MAP2K1: variants seen among roughly 807,000 people sequenced by gnomAD.
MAP2K1 encodes the protein dual specificity mitogen-activated protein kinase kinase 1.
MAP2K1 carries 16 observed loss-of-function variants against 46.3 expected under a neutral mutation model. The observed-to-expected ratio is 0.35, with a 90% confidence interval of 0.23 to 0.52. The LOEUF (loss-of-function observed/expected upper bound fraction) is 0.52. Ranked by LOEUF, MAP2K1 falls within the 20% of genes least tolerant of loss-of-function variation. MAP2K1 has a pLI of 0.94. For synonymous variants in MAP2K1, 183 were observed against 185.6 expected, an observed-to-expected ratio of 0.99 and a Z score of 0.11; for missense variants, 263 against 497.1, an observed-to-expected ratio of 0.53 and a Z score of 4.48.
At chr15:66,391,057 CTTT>C (rs34264456) in intron 1 of MAP2K1, among the ~76,000 whole-genome samples, 79 of 135,532 alleles carry the variant, frequency 5.8e-4, no homozygotes, top group Non-Finnish European at 6.3e-4. Context: ...TGAGCTGCTG[CTTT>C]TTTTTTTTTT....
intron 5 of MAP2K1, among the ~76,000 whole-genome samples, chr15:66,470,094 G>GTTTTTTTTTT (rs55637393): frequency 2.6e-5 from 2 of 76,602 alleles, no homozygotes; most frequent in African/African-American, 4.8e-5. Context: ...TTTTTTTCTT[G>GTTTTTTTTTT]TTTTTTTTTT....
intron 1 of MAP2K1, among the ~76,000 whole-genome samples, chr15:66,418,686 G>A (rs1363710580): frequency 6.6e-6 from 1 of 150,636 alleles, no homozygotes; most frequent in Non-Finnish European, 1.5e-5. Flanking sequence ...TTTTTGAGAC[G>A]GAGTCTCGCT....
chr15:66,446,106 T>G (rs1595866629), intron 5 of MAP2K1, among the ~76,000 whole-genome samples: 1 of 151,942 alleles, frequency 6.6e-6, no homozygotes, highest in Admixed American at 6.6e-5. Context: ...GTGCTTGTAA[T>G]CCCAGCTAAT....
chr15:66,458,271 TTATCAAG>T (rs1892223330), intron 5 of MAP2K1, among the ~76,000 whole-genome samples: 1 of 152,218 alleles, frequency 6.6e-6, no homozygotes, highest in African/African-American at 2.4e-5. Flanking sequence ...CCTGCTCTAA[TTATCAAG>T]GCCTTATTTT....
At chr15:66,412,362 G>C (rs755653816) in intron 1 of MAP2K1, among the ~76,000 whole-genome samples, 27 of 152,156 alleles carry the variant, frequency 1.8e-4, no homozygotes, top group Non-Finnish European at 1.5e-5. Flanking sequence ...TAATGAAAAC[G>C]TTAAGCATCT....
intron 5 of MAP2K1, among the ~76,000 whole-genome samples, chr15:66,474,361 C>G (rs1382091759): frequency 2.6e-5 from 4 of 152,152 alleles, no homozygotes; most frequent in Admixed American, 2.6e-4. Flanking sequence ...ACCTTTCTTG[C>G]AGTTGGCCTT....
intron 1 of MAP2K1, among the ~76,000 whole-genome samples, chr15:66,425,302 C>G (rs528783051): frequency 6.6e-6 from 1 of 152,276 alleles, no homozygotes; most frequent in Non-Finnish European, 1.5e-5. Context: ...GGCTTAGATT[C>G]TTCATCAACT....
intron 5 of MAP2K1, among the ~76,000 whole-genome samples, chr15:66,447,554 G>T (rs552623580): frequency 5.9e-5 from 9 of 151,744 alleles, no homozygotes; most frequent in Admixed American, 4.6e-4. Context: ...AGCTGCGTGT[G>T]GTGGCGTGTG....
At chr15:66,470,312 A>G (rs1189845240) in intron 5 of MAP2K1, among the ~76,000 whole-genome samples, 1 of 152,138 alleles carries the variant, frequency 6.6e-6, no homozygotes, top group Non-Finnish European at 1.5e-5. Flanking sequence ...AGGAGAAATT[A>G]AGACCAGCTG....
At chr15:66,415,748 G>A (rs1197404554) in intron 1 of MAP2K1, among the ~76,000 whole-genome samples, 1 of 152,102 alleles carries the variant, frequency 6.6e-6, no homozygotes, top group Admixed American at 6.5e-5. Context: ...AACAATGTGT[G>A]TATTATAATT....
At chr15:66,456,933 C>G (rs185982293) in intron 5 of MAP2K1, among the ~76,000 whole-genome samples, 82 of 152,298 alleles carry the variant, frequency 5.4e-4, no homozygotes, top group African/African-American at 1.9e-3. Flanking sequence ...CTTACAAATT[C>G]TGTTAAGCAT....
intron 8 of MAP2K1, among the ~76,000 whole-genome samples, chr15:66,488,390 C>T (rs952024469): frequency 6.6e-5 from 10 of 152,178 alleles, no homozygotes; most frequent in African/African-American, 2.4e-4. Context: ...ATCAGTGTCT[C>T]ATTTTTAGTC....
chr15:66,391,887 A>G (rs529292373), intron 1 of MAP2K1, among the ~76,000 whole-genome samples: 1 of 152,332 alleles, frequency 6.6e-6, no homozygotes, highest in Non-Finnish European at 1.5e-5. Flanking sequence ...GTATCTGCTT[A>G]GGATTCTAAA....
At chr15:66,482,474 C>T (rs1236715087) in intron 6 of MAP2K1, among the ~76,000 whole-genome samples, 2 of 152,216 alleles carry the variant, frequency 1.3e-5, no homozygotes, top group Non-Finnish European at 2.9e-5. Flanking sequence ...GGACCCCTCG[C>T]CAGAGTCTCT....
intron 1 of MAP2K1, among the ~76,000 whole-genome samples, chr15:66,405,549 A>AG (rs777699266): frequency 1.3e-5 from 2 of 152,214 alleles, no homozygotes; most frequent in South Asian, 2.1e-4. Context: ...AAAGAAAGGA[A>AG]GTAACGTTCA....
At chr15:66,436,968 A>G (rs2140584872) in intron 3 of MAP2K1, 76 bp downstream of exon 3, 3 of 1,502,846 alleles carry the variant, frequency 2.0e-6, no homozygotes, top group Admixed American at 3.3e-5. Flanking sequence ...TTGGTCTGGG[A>G]GGTGACCAGC....
At chr15:66,423,702 G>A (rs1295790744) in intron 1 of MAP2K1, among the ~76,000 whole-genome samples, 3 of 147,918 alleles carry the variant, frequency 2.0e-5, no homozygotes, top group Admixed American at 6.9e-5. Context: ...CTGCCTCCCA[G>A]GTTCAAGTGT....
At position 66,485,168 on chromosome 15, in the gene MAP2K1, G is replaced by A. The variant is rs1595886354; in HGVS notation, c.872G>A (p.Arg291Lys). 2 of 1,613,910 alleles carry A rather than the reference G, an allele frequency of 1.2e-6. No homozygotes were observed. Among genetic ancestry groups the A allele is most frequent in the Middle Eastern group, 1.7e-4 (1 of 5,882 alleles). ...GCGGCTGAGACCCCACCCAGGCCAA[G>A]GACCCCCGGGAGGCCCCTTAGCTGT... ...GDAAETPPRP[R>K]TPGRPLSSYG... Residue 291 changes from arginine to lysine, a missense_variant, in exon 7 of 11, where the codon AGG becomes AAG. Coordinates refer to ENST00000307102, the MANE Select transcript of MAP2K1 (RefSeq NM_002755.4).
intron 5 of MAP2K1, among the ~76,000 whole-genome samples, chr15:66,454,070 A>G (rs185653480): frequency 2.9e-3 from 448 of 152,358 alleles, no homozygotes; most frequent in African/African-American, 0.01. Context: ...GTGGGTTGGC[A>G]GGTCCTCTTT....
Sources: allele counts gnomAD v4.1 joint callset (sites outside exome capture counted in the v4.1 genomes callset), GRCh38; gene constraint gnomAD v4.1.1; transcripts MANE v1.5; gene names NCBI Gene and HGNC (gene_info 2026-07-23, HGNC 2026-07-21).